Variants in HELLS observed in about 807,000 individuals in gnomAD.
HELLS encodes the protein helicase, lymphoid specific, also known as lymphoid-specific helicase.
A neutral mutation model predicts 120.0 loss-of-function variants in HELLS; 32 were observed. The observed-to-expected ratio is 0.27, with a 90% CI of 0.20 to 0.36. The LOEUF (loss-of-function observed/expected upper bound fraction) is 0.36, where lower values mean the gene tolerates loss of function less well. Ranked by LOEUF, HELLS falls within the 10% of genes least tolerant of loss-of-function variation. The pLI is 1.00. For missense variants in HELLS, 650 were observed against 993.4 expected, an observed-to-expected ratio of 0.65 and a Z score of 4.65; for synonymous variants, 341 against 323.4, an observed-to-expected ratio of 1.05 and a Z score of -0.58.
At position 94,545,805 on chromosome 10, in the gene HELLS, T is replaced by A. The variant is rs928704236; in HGVS notation, c.-117T>A. The A allele has an allele frequency of 1.6e-6, 2 of 1,238,532 alleles. No homozygotes were observed. The highest frequency in any genetic ancestry group is 2.3e-6 in the Non-Finnish European group (2 of 861,268). 76.7% of individuals were successfully genotyped at this position (1,238,532 alleles called of 1,614,324 possible). A position where few individuals can be genotyped will look rare whatever the true frequency, so the allele number is the denominator to read the frequency against. On this transcript the variant is annotated 5_prime_UTR_variant, in exon 1 of 22. Transcript: ENST00000348459. Reference sequence around the variant, plus strand: ...TTTCCCGCGAAGGAGAAGCGCGCTTTTTTCCCTGGCGGGGGATTTGGCTAG... The same window carrying A: ...TTTCCCGCGAAGGAGAAGCGCGCTTATTTCCCTGGCGGGGGATTTGGCTAG...
chr10:94,613,415 T>C (rs1468283747), exon 10 of HELLS: 1 of 152,252 alleles, frequency 6.6e-6, no homozygotes, highest in East Asian at 1.9e-4. Context: ...TGATTCCTGC[T>C]TTCATCTTAA....
Position 94,591,860 on chromosome 10 carries a change from G to T in HELLS, c.1768-369G>T, listed in dbSNP as rs140493277. Among the ~76,000 whole-genome samples the T allele has an allele frequency of 7.2e-5, 11 of 152,234 alleles. No individual in the cohort carries two copies. The East Asian group carries it at 1.9e-3, about 27-fold the overall frequency. The stretch of plus-strand genomic sequence containing the variant: ...CTCCTGTATTTTCTCTTAATTTCTG[G>T]TAAGAATTCTAGCAGTAGTTTACAT... On this transcript the variant is annotated intron_variant, in intron 15 of 21. Coordinates refer to ENST00000348459, the MANE Select transcript of HELLS (RefSeq NM_018063.5).
chr10:94,578,271 T>G (rs1327802653), intron 10 of HELLS, among the ~76,000 whole-genome samples: 2 of 152,010 alleles, frequency 1.3e-5, no homozygotes, highest in Non-Finnish European at 2.9e-5. Flanking sequence ...CCCCAACCTT[T>G]TGGCACCAGG....
intron 4 of HELLS, 83 bp downstream of exon 4, chr10:94,558,278 C>A: frequency 2.1e-6 from 3 of 1,440,078 alleles, no homozygotes; most frequent in South Asian, 2.9e-5. Flanking sequence ...TTTTGATCAT[C>A]TGTTTAATTT....
rs554438936 is a variant in HELLS at position 94,590,863 on chromosome 10, T to G, written c.1767+87T>G. 477 of 721,300 alleles carry G rather than the reference T, an allele frequency of 6.6e-4. 1 individual carries two copies. Among genetic ancestry groups the G allele is most frequent in the Non-Finnish European group, 9.2e-4 (437 of 473,106 alleles). The allele number at this position is 721,300 out of a possible 1,614,324, so 44.7% of individuals were successfully genotyped here. A position where few individuals can be genotyped will look rare whatever the true frequency, so the allele number is the denominator to read the frequency against. ...GTGTTACTTTTTTTGATTATAATTA[T>G]TAAAAATAAGTATGGTGCTATTTGT... is the stretch of plus-strand genomic sequence containing the variant. On this transcript the variant is annotated intron_variant, in intron 15 of 21. Coordinates refer to ENST00000348459, the MANE Select transcript of HELLS (RefSeq NM_018063.5).
intron 7 of HELLS, among the ~76,000 whole-genome samples, 157 bp downstream of exon 7, chr10:94,571,586 A>G (rs1844168707): frequency 6.6e-6 from 1 of 152,036 alleles, no homozygotes; most frequent in Non-Finnish European, 1.5e-5. Flanking sequence ...TCCATATCCA[A>G]CATTCTTCTT....
At chr10:94,611,812 C>G (rs1218010122) in exon 10 of HELLS, 1 of 152,112 alleles carries the variant, frequency 6.6e-6, no homozygotes, top group African/African-American at 2.4e-5. Flanking sequence ...GGGAAAGAAA[C>G]AATACCTTTT....
intron 2 of HELLS, among the ~76,000 whole-genome samples, chr10:94,550,053 TG>T (rs1322419704): frequency 4.6e-5 from 7 of 152,222 alleles, no homozygotes; most frequent in Non-Finnish European, 1.0e-4. Context: ...CCTGAGTAGT[TG>T]GGATTACAGG....
intron 2 of HELLS, among the ~76,000 whole-genome samples, chr10:94,550,678 C>A (rs1242394559): frequency 6.6e-6 from 1 of 151,982 alleles, no homozygotes. Context: ...ATCGCTTGAG[C>A]CCAGGGGTTA....
At chr10:94,553,957 G>A (rs1246216708) in intron 2 of HELLS, among the ~76,000 whole-genome samples, 169 bp from the exon 3 acceptor site, 4 of 151,822 alleles carry the variant, frequency 2.6e-5, no homozygotes, top group Admixed American at 2.6e-4. Context: ...CAGATTGCCT[G>A]TTAAACCCAA....
At chr10:94,565,416 T>C (rs1442250989) in intron 6 of HELLS, among the ~76,000 whole-genome samples, 1 of 152,128 alleles carries the variant, frequency 6.6e-6, no homozygotes, top group Non-Finnish European at 1.5e-5. Context: ...AGGCTGGGCG[T>C]GGTGGCTCAT....
chr10:94,600,704 C>T (rs1845993625), intron 21 of HELLS, among the ~76,000 whole-genome samples: 1 of 151,894 alleles, frequency 6.6e-6, no homozygotes, highest in African/African-American at 2.4e-5. Flanking sequence ...TGTTCAAAAC[C>T]TAAATATTAA....
At chr10:94,577,001 C>T (rs550588515) in intron 10 of HELLS, 196 bp downstream of exon 10, 1 of 602,686 alleles carries the variant, frequency 1.7e-6, no homozygotes, top group Admixed American at 3.0e-5. Flanking sequence ...TCATTTGTAA[C>T]AATATAATTA....
At position 94,546,437 on chromosome 10, in the gene HELLS, T is replaced by G. The variant is rs1167710648; in HGVS notation, c.92T>G (p.Leu31Arg). The G allele has an allele frequency of 1.2e-6, 2 of 1,614,168 alleles. No homozygotes were observed. The highest frequency in any genetic ancestry group is 2.2e-5 in the South Asian group (2 of 91,078). ...ACTGCTGTGATTACCCCGGCCATGC[T>G]AGAAGAGGAAGAACAGCTTGAAGCT... The part of the protein sequence containing the change: ...LDTAVITPAM[L>R]EEEEQLEAAG... Residue 31 changes from leucine (L) to arginine (R), a missense_variant, in exon 2 of 22, where the codon CTA becomes CGA. Coordinates refer to ENST00000348459, the MANE Select transcript of HELLS (RefSeq NM_018063.5).
rs377016865 is a variant in HELLS, at chr10:94,587,667, T to G, written c.1327-562T>G. On this transcript the variant is annotated intron_variant, in intron 12 of 21. Transcript: ENST00000348459. ...GGTCTCAAACTCTTGACCCAGGTGA[T>G]TCACCCGTCTTGGCCTCCCAAAGTG... is the stretch of plus-strand genomic sequence containing the variant. 5.3e-5 allele frequency among the ~76,000 whole-genome samples: 8 copies of G among 152,342 alleles called. No homozygotes were observed. In the East Asian group the frequency reaches 1.3e-3, roughly 26 times the overall value.
intron 9 of HELLS, 21 bp from the exon 10 acceptor site, chr10:94,576,641 A>T: frequency 7.0e-7 from 1 of 1,427,816 alleles, no homozygotes; most frequent in Non-Finnish European, 9.6e-7. Context: ...GTCTGATAAA[A>T]ATCAATATAA....
At chr10:94,589,680 CTTTTTTTTTT>C (rs67491329) in intron 13 of HELLS, among the ~76,000 whole-genome samples, 2 of 91,970 alleles carry the variant, frequency 2.2e-5, no homozygotes, top group Non-Finnish European at 4.1e-5. Flanking sequence ...CTCCCCCCGA[CTTTTTTTTTT>C]TTTTTTTTTT....
intron 10 of HELLS, among the ~76,000 whole-genome samples, chr10:94,580,275 C>T (rs1156382886): frequency 7.4e-5 from 11 of 149,092 alleles, no homozygotes; most frequent in African/African-American, 2.0e-4. Flanking sequence ...ACCTGTCTCC[C>T]GGGCTCAAGC....
chr10:94,571,450 G>C (rs1844156473), intron 7 of HELLS, 21 bp downstream of exon 7: 2 of 1,481,880 alleles, frequency 1.3e-6, no homozygotes. Flanking sequence ...TATAATGTAA[G>C]ATTAAGTTTA....
Sources: gnomAD v4.1 joint callset for allele counts (sites outside exome capture counted in the v4.1 genomes callset) on GRCh38, gnomAD v4.1.1 for gene constraint, MANE v1.5 for transcripts, NCBI Gene and HGNC (gene_info 2026-07-23, HGNC 2026-07-21) for gene names.